Variants in TMTC1 observed in about 807,000 individuals in gnomAD.
TMTC1 encodes the protein transmembrane O-mannosyltransferase targeting cadherins 1, also known as protein O-mannosyl-transferase TMTC1.
TMTC1 carries 73 observed loss-of-function variants against 104.8 expected under a neutral mutation model. The ratio of observed to expected loss-of-function variants is 0.70; its 90% CI spans 0.58 to 0.85. The LOEUF (loss-of-function observed/expected upper bound fraction) is 0.85. TMTC1 is among the 40% of genes least tolerant of loss of function. The pLI is 0.00. For missense variants in TMTC1, 1,035 were observed against 1,096.1 expected, an observed-to-expected ratio of 0.94 and a Z score of 0.79; for synonymous variants, 434 against 428.7, an observed-to-expected ratio of 1.01 and a Z score of -0.15.
chr12:29,710,290 G>A (rs971289478), intron 5 of TMTC1, among the ~76,000 whole-genome samples: 1 of 152,016 alleles, frequency 6.6e-6, no homozygotes, highest in Admixed American at 6.6e-5. Flanking sequence ...CAGATCTTTT[G>A]TAAGTCACTT....
At position 29,604,041 on chromosome 12, in the gene TMTC1, T is replaced by C. The variant is rs199527959; in HGVS notation, c.1250+137A>G. The C allele has an allele frequency of 5.8e-6, 7 of 1,206,146 alleles. No homozygotes were observed. In the Admixed American group the frequency reaches 1.8e-4, roughly 31 times the overall value. The allele number at this position is 1,206,146 out of a possible 1,614,324, so 74.7% of individuals were successfully genotyped here. A position where few individuals can be genotyped will look rare whatever the true frequency, so the allele number is the denominator to read the frequency against. On this transcript the variant is annotated intron_variant, in intron 7 of 17. Transcript: ENST00000539277. ...TCTCATCCAACCTTCTGTGTGGCTG[T>C]TTTTAAAGCTGAAATAATAATATCC... is the stretch of plus-strand genomic sequence containing the variant.
chr12:29,589,941 C>T (rs1014855137), intron 7 of TMTC1, among the ~76,000 whole-genome samples: 6 of 152,164 alleles, frequency 3.9e-5, no homozygotes, highest in Admixed American at 3.9e-4. Flanking sequence ...TTGCCCACAG[C>T]CCCAGAAGCT....
In TMTC1 at chr12:29,548,147, G is replaced by A. The variant is rs945270044; in HGVS notation, c.1676+8710C>T. ...GGGATCTGGGGCATGCTGAAGTTGT[G>A]GACTGGAGAGAATTTGAAGACCTAA... On this transcript the variant is annotated intron_variant, in intron 10 of 17. Coordinates refer to ENST00000539277, the MANE Select transcript of TMTC1 (RefSeq NM_001193451.2). 3.3e-5 allele frequency among the ~76,000 whole-genome samples: 5 copies of A among 152,246 alleles called. No homozygotes were observed. The East Asian group carries it at 9.7e-4, about 29-fold the overall frequency.
intron 5 of TMTC1, among the ~76,000 whole-genome samples, chr12:29,722,669 C>T (rs1942268599): frequency 6.6e-6 from 1 of 151,942 alleles, no homozygotes; most frequent in South Asian, 2.1e-4. Context: ...CCTGTAATCC[C>T]AGCACTTTGG....
intron 5 of TMTC1, among the ~76,000 whole-genome samples, chr12:29,669,547 T>C (rs950417250): frequency 1.3e-5 from 2 of 152,168 alleles, no homozygotes; most frequent in African/African-American, 4.8e-5. Flanking sequence ...ATTTTGGAAA[T>C]TTCCGAGATA....
intron 10 of TMTC1, among the ~76,000 whole-genome samples, chr12:29,539,732 G>T (rs1944744117): frequency 1.3e-5 from 2 of 152,194 alleles, no homozygotes; most frequent in African/African-American, 4.8e-5. Context: ...TTAGTAGGAT[G>T]CCCTCCGTAT....
intron 5 of TMTC1, among the ~76,000 whole-genome samples, chr12:29,643,901 A>G (rs1447056508): frequency 9.3e-6 from 1 of 107,422 alleles, no homozygotes; most frequent in African/African-American, 3.8e-5. Flanking sequence ...ATAAATAAAT[A>G]TAAAATTATA....
chr12:29,758,493 T>C (rs564664341), intron 3 of TMTC1, among the ~76,000 whole-genome samples: 1 of 152,092 alleles, frequency 6.6e-6, no homozygotes, highest in Non-Finnish European at 1.5e-5. Flanking sequence ...GGGAAAGCAA[T>C]CCCTTTAAGG....
intron 5 of TMTC1, among the ~76,000 whole-genome samples, chr12:29,672,821 G>C (rs1940569341): frequency 6.6e-6 from 1 of 152,170 alleles, no homozygotes; most frequent in African/African-American, 2.4e-5. Flanking sequence ...TGGCTGCACT[G>C]CAGACAAAGG....
At chr12:29,545,629 T>TCTCACACACACACACA (rs1333007328) in intron 10 of TMTC1, among the ~76,000 whole-genome samples, 7 of 73,530 alleles carry the variant, frequency 9.5e-5, no homozygotes, top group African/African-American at 3.4e-4. Context: ...CAAGACTCTG[T>TCTCACACACACACACA]CACACACACA....
chr12:29,573,832 G>C (rs1945747546), intron 8 of TMTC1, among the ~76,000 whole-genome samples: 1 of 152,072 alleles, frequency 6.6e-6, no homozygotes, highest in African/African-American at 2.4e-5. Flanking sequence ...ACTTCTCAGG[G>C]GGTTATCTGA....
At chr12:29,707,479 T>C (rs2136823720) in intron 5 of TMTC1, among the ~76,000 whole-genome samples, 1 of 152,268 alleles carries the variant, frequency 6.6e-6, no homozygotes, top group South Asian at 2.1e-4. Flanking sequence ...TCCTCTACTA[T>C]GAGGCTACAA....
At chr12:29,643,980 TATAA>T (rs1390035742) in intron 5 of TMTC1, among the ~76,000 whole-genome samples, 10 of 113,944 alleles carry the variant, frequency 8.8e-5, no homozygotes, top group East Asian at 2.3e-4. Context: ...TATAAATATA[TATAA>T]ATATATAATT....
intron 6 of TMTC1, among the ~76,000 whole-genome samples, chr12:29,624,712 G>GCAT (rs1937884215): frequency 6.6e-6 from 1 of 152,092 alleles, no homozygotes; most frequent in Non-Finnish European, 1.5e-5. Flanking sequence ...TGACCTCTTC[G>GCAT]CATCACCTAA....
chr12:29,544,351 C>A (rs1368908841), intron 10 of TMTC1, among the ~76,000 whole-genome samples: 1 of 151,366 alleles, frequency 6.6e-6, no homozygotes, highest in Non-Finnish European at 1.5e-5. Context: ...TTGCCTCCCT[C>A]CCACCCCCCA....
intron 8 of TMTC1, among the ~76,000 whole-genome samples, chr12:29,573,453 T>G (rs1945736737): frequency 6.6e-6 from 1 of 152,310 alleles, no homozygotes; most frequent in Non-Finnish European, 1.5e-5. Flanking sequence ...CTGTGCCAGG[T>G]GCTGGGGATA....
At chr12:29,677,686 C>G (rs1940777715) in intron 5 of TMTC1, among the ~76,000 whole-genome samples, 1 of 152,240 alleles carries the variant, frequency 6.6e-6, no homozygotes, top group Admixed American at 6.5e-5. Context: ...CTTGGTCCCA[C>G]TTGGGAAGTG....
intron 5 of TMTC1, among the ~76,000 whole-genome samples, chr12:29,717,631 G>A (rs1167905670): frequency 6.6e-6 from 1 of 152,168 alleles, no homozygotes; most frequent in Admixed American, 6.5e-5. Context: ...AAAATTCTAA[G>A]GGTTTGAAGA....
intron 9 of TMTC1, among the ~76,000 whole-genome samples, chr12:29,564,000 G>A (rs1265581482): frequency 6.6e-6 from 1 of 152,136 alleles, no homozygotes; most frequent in Non-Finnish European, 1.5e-5. Context: ...TTTACTGGGA[G>A]GGGCAGCAAC....
Sources: gnomAD v4.1 joint callset for allele counts (sites outside exome capture counted in the v4.1 genomes callset) on GRCh38, gnomAD v4.1.1 for gene constraint, MANE v1.5 for transcripts, NCBI Gene and HGNC (gene_info 2026-07-23, HGNC 2026-07-21) for gene names.